C8orf34: variants seen among roughly 807,000 people sequenced by gnomAD.
The protein encoded by C8orf34 is chromosome 8 open reading frame 34, also known as uncharacterized protein C8orf34.
A neutral mutation model predicts 68.3 loss-of-function variants in C8orf34; 65 were observed. That is an observed-to-expected ratio of 0.95 (90% CI 0.78 to 1.17). The LOEUF is 1.17. Among genes scored for constraint, C8orf34 ranks in the 50% most tolerant of loss-of-function variants. The probability of loss-of-function intolerance (pLI) is 0.00; values close to 1 mark genes in which losing one functional copy is unlikely to be tolerated. For synonymous variants in C8orf34, 244 were observed against 241.2 expected (o/e 1.01, Z -0.11); for missense variants, 664 against 655.4 (o/e 1.01, Z -0.14).
At chr8:68,611,214 A>ATTAGG (rs1204033469) in intron 7 of C8orf34, among the ~76,000 whole-genome samples, 7 of 152,134 alleles carry the variant, frequency 4.6e-5, no homozygotes, top group African/African-American at 1.7e-4. Context: ...TCAGATAGAC[A>ATTAGG]TTAGGGAAAT....
At chr8:68,673,468 G>C (rs977487064) in intron 8 of C8orf34, among the ~76,000 whole-genome samples, 1 of 152,068 alleles carries the variant, frequency 6.6e-6, no homozygotes, top group African/African-American at 2.4e-5. Context: ...GGAGACCTTG[G>C]GCCTTGAATG....
In C8orf34 at chr8:68,458,650, C is replaced by T. The variant is rs182226969; in HGVS notation, c.608-10042C>T. Among the ~76,000 whole-genome samples, 5 of 152,254 alleles carry T rather than the reference C, an allele frequency of 3.3e-5. No homozygotes were observed. In the East Asian group the frequency reaches 7.7e-4, roughly 24 times the overall value. On this transcript the variant is annotated intron_variant, in intron 3 of 13. Coordinates refer to ENST00000518698, the MANE Select transcript of C8orf34 (RefSeq NM_052958.4). ...ATACAAATATTGTTTTTTCCACTCC[C>T]TCATCTGAACTTCTCTCTCTTAAAC...
chr8:68,623,937 G>A (rs553775132), intron 7 of C8orf34, among the ~76,000 whole-genome samples: 2 of 152,218 alleles, frequency 1.3e-5, no homozygotes, highest in Admixed American at 1.3e-4. Context: ...GAGAGTGATT[G>A]AAACACAGTA....
intron 1 of C8orf34, among the ~76,000 whole-genome samples, chr8:68,406,240 G>A (rs1183974875): frequency 2.6e-5 from 4 of 152,122 alleles, no homozygotes; most frequent in African/African-American, 7.2e-5. Context: ...CATACACGTA[G>A]TTTTGGTCTT....
At chr8:68,796,760 G>C (rs1169880332) in intron 12 of C8orf34, among the ~76,000 whole-genome samples, 1 of 151,500 alleles carries the variant, frequency 6.6e-6, no homozygotes, top group African/African-American at 2.4e-5. Flanking sequence ...GGGTAGTCCT[G>C]TGGCAATGAG....
intron 8 of C8orf34, among the ~76,000 whole-genome samples, chr8:68,700,633 T>C (rs1340845578): frequency 2.6e-5 from 4 of 152,108 alleles, no homozygotes; most frequent in African/African-American, 7.2e-5. Flanking sequence ...GACCTTGGTG[T>C]CTGGCTTCAG....
chr8:68,592,593 C>CTT (rs1444802100), intron 7 of C8orf34, among the ~76,000 whole-genome samples: 1 of 116,800 alleles, frequency 8.6e-6, no homozygotes, highest in African/African-American at 3.3e-5. Flanking sequence ...CAATTTATCT[C>CTT]TTCTTTTTTT....
At chr8:68,367,443 T>A (rs1585996845) in intron 1 of C8orf34, among the ~76,000 whole-genome samples, 1 of 39,776 alleles carries the variant, frequency 2.5e-5, no homozygotes, top group Admixed American at 2.5e-4. Flanking sequence ...TAAAGACACA[T>A]GCACATGTAT....
At chr8:68,427,743 C>G (rs1586119414) in intron 1 of C8orf34, among the ~76,000 whole-genome samples, 1 of 151,910 alleles carries the variant, frequency 6.6e-6, no homozygotes, top group African/African-American at 2.4e-5. Flanking sequence ...ATGTCAGTTT[C>G]TTAATTTTCA....
chr8:68,460,538 C>A (rs1433023268), intron 3 of C8orf34, among the ~76,000 whole-genome samples: 3 of 152,144 alleles, frequency 2.0e-5, no homozygotes, highest in African/African-American at 7.2e-5. Flanking sequence ...CTGGGAGGCA[C>A]CCCCCAGTAG....
intron 5 of C8orf34, among the ~76,000 whole-genome samples, chr8:68,510,256 T>C (rs957725227): frequency 2.6e-5 from 4 of 152,174 alleles, no homozygotes; most frequent in Non-Finnish European, 5.9e-5. Flanking sequence ...GGATGTCTTA[T>C]GATATACCCA....
At chr8:68,442,752 G>T (rs2129626265) in intron 2 of C8orf34, among the ~76,000 whole-genome samples, 1 of 152,292 alleles carries the variant, frequency 6.6e-6, no homozygotes, top group African/African-American at 2.4e-5. Flanking sequence ...CAATATCAGG[G>T]AAACGAAGCT....
chr8:68,387,432 G>A (rs1435517865), intron 1 of C8orf34, among the ~76,000 whole-genome samples: 1 of 152,144 alleles, frequency 6.6e-6, no homozygotes, highest in Non-Finnish European at 1.5e-5. Flanking sequence ...CTATTAAATA[G>A]GAAGTATAAT....
intron 4 of C8orf34, among the ~76,000 whole-genome samples, chr8:68,478,535 C>T (rs1812720662): frequency 6.6e-6 from 1 of 152,154 alleles, no homozygotes; most frequent in African/African-American, 2.4e-5. Context: ...TAGCAGTGCC[C>T]CAAACTCCCA....
chr8:68,396,763 TCTC>T (rs1563404166), intron 1 of C8orf34, among the ~76,000 whole-genome samples: 106 of 136,000 alleles, frequency 7.8e-4, no homozygotes, highest in African/African-American at 2.8e-3. Flanking sequence ...CCTCTCTCTC[TCTC>T]GCTTCCTCTC....
At position 68,708,975 on chromosome 8, in the gene C8orf34, A is replaced by T; in HGVS notation, c.1242-19A>T. ...TTTAACATTATGAGATGTTTCAATG[A>T]TCATTTTTAATTATTTAGGCTTCAA... On this transcript the variant is annotated intron_variant, in intron 8 of 13. Transcript: ENST00000518698. 6.4e-7 allele frequency: 1 copy of T among 1,554,864 alleles called. No individual in the cohort carries two copies. The highest frequency in any genetic ancestry group is 1.1e-5 in the South Asian group (1 of 87,948).
chr8:68,757,404 C>A (rs376251700), intron 10 of C8orf34, among the ~76,000 whole-genome samples: 2 of 151,938 alleles, frequency 1.3e-5, no homozygotes, highest in East Asian at 1.9e-4. Flanking sequence ...CTGAGGCGGG[C>A]GGATCACCTG....
At chr8:68,483,688 G>T (rs546642423) in intron 4 of C8orf34, among the ~76,000 whole-genome samples, 3 of 152,140 alleles carry the variant, frequency 2.0e-5, no homozygotes. Flanking sequence ...TTTAGCCTGC[G>T]CACAGTGAGA....
intron 6 of C8orf34, among the ~76,000 whole-genome samples, chr8:68,526,821 A>G (rs1815015170): frequency 1.3e-5 from 2 of 152,202 alleles, no homozygotes; most frequent in Admixed American, 1.3e-4. Flanking sequence ...CTAAATGTTT[A>G]CCAACCTATG....
Sources: allele counts gnomAD v4.1 joint callset (sites outside exome capture counted in the v4.1 genomes callset), GRCh38; gene constraint gnomAD v4.1.1; transcripts MANE v1.5; gene names NCBI Gene and HGNC (gene_info 2026-07-23, HGNC 2026-07-21).